ATM: variants seen among roughly 807,000 people sequenced by gnomAD.
ATM encodes serine-protein kinase ATM.
Under a neutral mutation model 387.0 loss-of-function variants are expected in ATM, and 308 were observed. The ratio of observed to expected loss-of-function variants is 0.80; its 90% confidence interval spans 0.73 to 0.87. The LOEUF (loss-of-function observed/expected upper bound fraction) is 0.87. ATM is among the 40% of genes least tolerant of loss of function. The pLI is 0.00. For synonymous variants in ATM, 1,156 were observed against 1,187.3 expected, an observed-to-expected ratio of 0.97 and a Z score of 0.54; for missense variants, 3,312 against 3,560.9, an observed-to-expected ratio of 0.93 and a Z score of 1.78.
At chr11:108,257,915 C>T (rs890961312) in intron 15 of ATM, among the ~76,000 whole-genome samples, 7 of 152,154 alleles carry the variant, frequency 4.6e-5, no homozygotes, top group African/African-American at 1.7e-4. Context: ...CTCACTCTTT[C>T]ACCCAGAGTG....
rs756309395 is a variant in ATM, at chr11:108,316,110, T to A, written c.6195T>A (p.Ile2065=). The change falls in exon 42 of 63, where the codon ATT becomes ATA. Residue 2065 remains isoleucine (I), a synonymous_variant. Coordinates refer to ENST00000675843, the MANE Select transcript of ATM (RefSeq NM_000051.4). The part of the protein sequence containing the change: ...IPSSTRQAGI[I]QALQNLGLCH... ...CATCAACACGCCAGGCAGGAATCAT[T>A]CAGGTACATTTTTTCCCAGATTTGG... 6.2e-7 allele frequency: 1 copy of A among 1,613,828 alleles called. No homozygotes were observed. The highest frequency in any genetic ancestry group is 8.5e-7 in the Non-Finnish European group (1 of 1,179,776).
chr11:108,242,099 T>C (rs2079592911), intron 5 of ATM, among the ~76,000 whole-genome samples: 1 of 151,690 alleles, frequency 6.6e-6, no homozygotes, highest in Admixed American at 6.6e-5. Flanking sequence ...GCCTGGGCAG[T>C]GTAGTGAGAC....
At chr11:108,309,611 A>G (rs901785114) in intron 38 of ATM, among the ~76,000 whole-genome samples, 1 of 152,208 alleles carries the variant, frequency 6.6e-6, no homozygotes, top group African/African-American at 2.4e-5. Flanking sequence ...CTAGTTTTGA[A>G]AAAGATACTA....
intron 37 of ATM, 97 bp from the exon 38 acceptor site, chr11:108,307,800 C>T (rs1313250765): frequency 8.0e-6 from 9 of 1,118,164 alleles, no homozygotes; most frequent in Non-Finnish European, 1.1e-5. Context: ...CCCACCAGAA[C>T]CTTATAGCAT....
Position 108,244,952 on chromosome 11 carries a change from A to C in ATM, c.827A>C (p.Lys276Thr), listed in dbSNP as rs767686512. Residue 276 changes from lysine (K) to threonine (T), a missense_variant, in exon 7 of 63, where the codon AAA (lysine) becomes ACA (threonine). Physicochemically the swap from Lys to Thr is moderately conservative, Grantham distance 78. Transcript: ENST00000675843. ...WTQHRLNDSL[K>T]EVIIELFQLQ... is the part of the protein sequence containing the mutation. ...CAACATAGGCTTAATGATTCTTTAA[A>C]AGAAGTCATTATTGAATTATTTCAA... 6.2e-7 allele frequency: 1 copy of C among 1,613,422 alleles called. No homozygotes were observed. The highest frequency in any genetic ancestry group is 1.1e-5 in the South Asian group (1 of 91,078).
chr11:108,310,541 A>G (rs538567858), intron 39 of ATM, among the ~76,000 whole-genome samples: 1 of 152,198 alleles, frequency 6.6e-6, no homozygotes, highest in Admixed American at 6.5e-5. Flanking sequence ...AATTTAACAG[A>G]TAGCAAATTC....
intron 59 of ATM, among the ~76,000 whole-genome samples, chr11:108,348,433 G>T (rs2088753763): frequency 7.2e-6 from 1 of 138,260 alleles, no homozygotes; most frequent in African/African-American, 2.7e-5. Context: ...TAATATATAA[G>T]AAAGAAAGAA....
Position 108,279,559 on chromosome 11 carries a change from CAGCTTTTGAAAATGCATACTTGAA to C in ATM, c.3358_3381del (p.Phe1120_Ala1127del). Reference sequence around the variant, plus strand: ...GCACTTCCTTTGAAGCTTCAGCAAACAGCTTTTGAAAATGCATACTTGAAAGCTCAGGAAGGAATGAGAGAAATG... The same window carrying C: ...GCACTTCCTTTGAAGCTTCAGCAAACAGCTCAGGAAGGAATGAGAGAAATG... On this transcript the variant is annotated inframe_deletion, in exon 23 of 63. Transcript: ENST00000675843. The C allele has an allele frequency of 6.2e-7, 1 of 1,613,788 alleles. No homozygotes were observed. The highest frequency in any genetic ancestry group is 8.5e-7 in the Non-Finnish European group (1 of 1,179,806).
At position 108,243,307 on chromosome 11, in the gene ATM, A is replaced by T. The variant is rs75698159; in HGVS notation, c.497-646A>T. Reference sequence around the variant, plus strand: ...TTTTGCATATTATTAATCAAACAGTATTATTATTTTAAAAAACTGTGGAGG... The same window carrying T: ...TTTTGCATATTATTAATCAAACAGTTTTATTATTTTAAAAAACTGTGGAGG... On this transcript the variant is annotated intron_variant, in intron 5 of 62. Transcript: ENST00000675843. 4.1e-3 allele frequency among the ~76,000 whole-genome samples: 620 copies of T among 151,898 alleles called. 7 individuals carry two copies. The highest frequency in any genetic ancestry group is 0.013 in the African/African-American group (546 of 41,430).
intron 59 of ATM, among the ~76,000 whole-genome samples, chr11:108,352,149 C>T (rs998911373): frequency 2.0e-5 from 3 of 152,186 alleles, no homozygotes; most frequent in African/African-American, 7.2e-5. Context: ...AGGAAAATCT[C>T]AACTTTAATG....
rs1333990758 is a variant in ATM at position 108,253,822 on chromosome 11, A to G, written c.1907A>G (p.His636Arg). The G allele has an allele frequency of 1.9e-6, 3 of 1,613,174 alleles. No individual in the cohort carries two copies. The highest frequency in any genetic ancestry group is 3.3e-5 in the Admixed American group (2 of 60,000). The change falls in exon 13 of 63, where the codon CAC (histidine) becomes CGC (arginine). Residue 636 changes from histidine (H) to arginine (R), a missense_variant. By Grantham distance (29) the His-to-Arg change is conservative. Transcript: ENST00000675843. ...FFQSVPECEH[H>R]QKDKEELSFS... ...ATCTTACTTTCTTGAAGTGAACACC[A>G]CCAAAAAGATAAAGAAGAACTTTCA...
intron 22 of ATM, among the ~76,000 whole-genome samples, chr11:108,279,266 A>C (rs2082099270): frequency 6.6e-6 from 1 of 152,336 alleles, no homozygotes; most frequent in South Asian, 2.1e-4. Context: ...GACCCTCTTC[A>C]GTTCTAGGAG....
chr11:108,257,981 C>A (rs888195900), intron 15 of ATM, among the ~76,000 whole-genome samples: 1 of 152,146 alleles, frequency 6.6e-6, no homozygotes, highest in South Asian at 2.1e-4. Flanking sequence ...ACAGCAGCCT[C>A]GACCTCCTGG....
At chr11:108,364,867 C>A (rs374664871) in intron 61 of ATM, among the ~76,000 whole-genome samples, 1 of 152,136 alleles carries the variant, frequency 6.6e-6, no homozygotes. Flanking sequence ...CACCCCTAAC[C>A]ATGGAGGAAG....
At chr11:108,342,528 T>A (rs1472040836) in intron 56 of ATM, among the ~76,000 whole-genome samples, 9 of 152,146 alleles carry the variant, frequency 5.9e-5, no homozygotes, top group Non-Finnish European at 4.4e-5. Flanking sequence ...CAGCTAACAG[T>A]CATCTTGATG....
At chr11:108,261,954 G>A (rs954347102) in intron 16 of ATM, among the ~76,000 whole-genome samples, 4 of 152,086 alleles carry the variant, frequency 2.6e-5, no homozygotes, top group African/African-American at 7.2e-5. Context: ...AAAGAAATGA[G>A]CAAAGCCTCC....
chr11:108,297,436 A>G (rs902944519), intron 33 of ATM, 54 bp downstream of exon 33: 7 of 1,357,262 alleles, frequency 5.2e-6, no homozygotes, highest in Non-Finnish European at 6.3e-6. Flanking sequence ...GATCACATAT[A>G]GGACAGATTA....
chr11:108,336,052 T>C, intron 56 of ATM, 91 bp downstream of exon 56: 2 of 972,024 alleles, frequency 2.1e-6, no homozygotes, highest in Non-Finnish European at 3.3e-6. Context: ...TTCATAATGC[T>C]TTGGGAGGCC....
rs2080322028 is a variant in ATM, at chr11:108,254,072, A to G, written c.2124+33A>G. 1.3e-6 allele frequency: 2 copies of G among 1,594,658 alleles called. No homozygotes were observed. Among genetic ancestry groups the G allele is most frequent in the Admixed American group, 1.7e-5 (1 of 59,860 alleles). ...TTTTTAAAAAAAGAACTAAGCTTAT[A>G]TATGATTCAACTTTGGTAAACTGTT... On this transcript the variant is annotated intron_variant, in intron 13 of 62. Coordinates refer to ENST00000675843, the MANE Select transcript of ATM (RefSeq NM_000051.4).
Sources: gnomAD v4.1 joint callset for allele counts (sites outside exome capture counted in the v4.1 genomes callset) on GRCh38, gnomAD v4.1.1 for gene constraint, MANE v1.5 for transcripts, NCBI Gene and HGNC (gene_info 2026-07-23, HGNC 2026-07-21) for gene names.